Variants in MAP3K9 observed in about 807,000 individuals in gnomAD.
MAP3K9 encodes mixed lineage kinase 1 (tyr and ser/thr specificity).
A neutral mutation model predicts 95.8 loss-of-function variants in MAP3K9; 46 were observed. The ratio of observed to expected loss-of-function variants is 0.48; its 90% confidence interval spans 0.38 to 0.61. The LOEUF (loss-of-function observed/expected upper bound fraction) is 0.61. MAP3K9 is among the 20% of genes least tolerant of loss of function. MAP3K9 has a pLI of 0.00. For synonymous variants in MAP3K9, 533 were observed against 593.8 expected (o/e 0.90, Z 1.49); for missense variants, 1,296 against 1,474.3 (o/e 0.88, Z 1.98).
intron 1 of MAP3K9, among the ~76,000 whole-genome samples, chr14:70,803,511 C>A (rs932925760): frequency 1.3e-5 from 2 of 151,908 alleles, no homozygotes; most frequent in Non-Finnish European, 2.9e-5. Context: ...CTTCCTTACT[C>A]AGCCAGCCCT....
chr14:70,808,976 C>G lies in MAP3K9; in HGVS notation c.196G>C (p.Ala66Pro), dbSNP rs1224436134. 2 of 1,567,146 alleles carry G rather than the reference C, an allele frequency of 1.3e-6. No homozygotes were observed. Residue 66 changes from alanine to proline, a missense_variant, in exon 1 of 12, where the codon GCG (alanine) becomes CCG (proline). Physicochemically the swap from Ala to Pro is conservative, Grantham distance 27. Transcript: ENST00000554752. ...YWTAVFEYEA[A>P]GEDELTLRLG... is the part of the protein sequence containing the mutation. ...CGCAGGGTCAGCTCGTCCTCGCCCG[C>G]CGCCTCGTACTCGAACACGGCCGTC...
Position 70,732,966 on chromosome 14 carries a change from G to A in MAP3K9, c.2403C>T (p.Ser801=). Residue 801 remains serine, a synonymous_variant, in exon 11 of 12, where the codon TCC becomes TCT. Coordinates refer to ENST00000554752, the MANE Select transcript of MAP3K9 (RefSeq NM_001284230.2). ...KKRREGLFQR[S]SRPRRSTSPP... is the part of the protein sequence containing the mutation. ...GGCTGGTGCTCCGACGAGGACGGCT[G>A]GACCTCTGAAAAAGACCCTCCCGTC... is the stretch of plus-strand genomic sequence containing the variant. 1.2e-6 allele frequency: 2 copies of A among 1,614,076 alleles called. No individual in the cohort carries two copies. Among genetic ancestry groups the A allele is most frequent in the Non-Finnish European group, 1.7e-6 (2 of 1,179,994 alleles).
intron 2 of MAP3K9, among the ~76,000 whole-genome samples, chr14:70,792,014 C>A (rs887645096): frequency 1.3e-4 from 20 of 152,226 alleles, no homozygotes; most frequent in Non-Finnish European, 2.2e-4. Flanking sequence ...ACAGGACTTG[C>A]AAGTCAGATC....
intron 1 of MAP3K9, among the ~76,000 whole-genome samples, chr14:70,804,296 A>G (rs186761509): frequency 7.7e-4 from 117 of 152,312 alleles, no homozygotes; most frequent in African/African-American, 2.7e-3. Context: ...TTCTTGCTCA[A>G]AATAGCTTGA....
chr14:70,759,803 G>T (rs1420676435), intron 3 of MAP3K9, among the ~76,000 whole-genome samples: 1 of 152,206 alleles, frequency 6.6e-6, no homozygotes, highest in Non-Finnish European at 1.5e-5. Flanking sequence ...CACCCAGGCT[G>T]AAGTGCAGTG....
At chr14:70,800,432 T>TA (rs111280362) in intron 2 of MAP3K9, among the ~76,000 whole-genome samples, 48 of 146,998 alleles carry the variant, frequency 3.3e-4, no homozygotes, top group African/African-American at 6.2e-4. Flanking sequence ...TCTAGACTGC[T>TA]AAAAAAAAAA....
At position 70,730,773 on chromosome 14, in the gene MAP3K9, G is replaced by C. The variant is rs777428240; in HGVS notation, c.2922C>G (p.Arg974=). The change falls in exon 12 of 12, where the codon CGC becomes CGG. Residue 974 remains arginine, a synonymous_variant. Coordinates refer to ENST00000554752, the MANE Select transcript of MAP3K9 (RefSeq NM_001284230.2). ...AGGTAGAGTCCTGCTGAGTGTTCCA[G>C]CGCCTTGGGGTTGGGGGGAAGACCA... The part of the protein sequence containing the change: ...PNVVFPPTPR[R]WNTQQDSTLE... The C allele has an allele frequency of 6.2e-7, 1 of 1,613,640 alleles. No homozygotes were observed. Among genetic ancestry groups the C allele is most frequent in the Non-Finnish European group, 8.5e-7 (1 of 1,180,014 alleles).
chr14:70,791,649 C>G (rs554110524), intron 2 of MAP3K9, among the ~76,000 whole-genome samples: 1 of 152,358 alleles, frequency 6.6e-6, no homozygotes, highest in South Asian at 2.1e-4. Flanking sequence ...TCCCTTTCCA[C>G]TTTGTCTCCA....
In MAP3K9 at chr14:70,723,587, G is replaced by A. The variant is rs947189606; in HGVS notation, c.*6793C>T. On this transcript the variant is annotated 3_prime_UTR_variant, in exon 12 of 12. Transcript: ENST00000554752. ...AAGTAGTGGCTTAGAAATGTGCTCAGAGGAAAAAGAGAGGTGACTTTGGAA... is the reference window on the plus strand; with the variant it reads ...AAGTAGTGGCTTAGAAATGTGCTCAAAGGAAAAAGAGAGGTGACTTTGGAA... 1 of 152,160 alleles carries A rather than the reference G, an allele frequency of 6.6e-6. No homozygotes were observed. Among genetic ancestry groups the A allele is most frequent in the Non-Finnish European group, 1.5e-5 (1 of 68,042 alleles). The allele number at this position is 152,160 out of a possible 1,614,324, so 9.4% of individuals were successfully genotyped here.
chr14:70,742,543 T>G lies in MAP3K9; in HGVS notation c.1375A>C (p.Lys459Gln). ...EELTRAALQQKNQEELLRRRE... is the reference protein window; with the variant it reads ...EELTRAALQQQNQEELLRRRE... ...CGCCGCAGCAGTTCCTCCTGGTTCT[T>G]CTGCTGCAGTGCAGCCCGCGTCAGC... Residue 459 changes from lysine (K) to glutamine (Q), a missense_variant, in exon 6 of 12, where the codon AAG becomes CAG. By Grantham distance (53) the Lys-to-Gln change is moderately conservative. This residue lies in a region of MAP3K9 where 377 missense variants were observed against 417.1 expected (regional missense o/e 0.90). Coordinates refer to ENST00000554752, the MANE Select transcript of MAP3K9 (RefSeq NM_001284230.2). 6.2e-7 allele frequency: 1 copy of G among 1,614,214 alleles called. No individual in the cohort carries two copies. Among genetic ancestry groups the G allele is most frequent in the South Asian group, 1.1e-5 (1 of 91,080 alleles).
At position 70,728,516 on chromosome 14, in the gene MAP3K9, C is replaced by G. The variant is rs1160363492; in HGVS notation, c.*1864G>C. ...CTGGTAAGATTCACATTTTTTCCTC[C>G]TAGCTCAGGAGTAGGGGAATGGGGA... On this transcript the variant is annotated 3_prime_UTR_variant, in exon 12 of 12. Transcript: ENST00000554752. The G allele has an allele frequency of 6.6e-6, 1 of 152,108 alleles. No individual in the cohort carries two copies. The highest frequency in any genetic ancestry group is 1.5e-5 in the Non-Finnish European group (1 of 68,008). The allele number at this position is 152,108 out of a possible 1,614,324, so 9.4% of individuals were successfully genotyped here.
chr14:70,803,337 TA>T (rs10583563), intron 1 of MAP3K9, among the ~76,000 whole-genome samples: 1,694 of 75,040 alleles, frequency 0.023, 19 homozygotes, highest in African/African-American at 0.066. Flanking sequence ...ATTCAGATCT[TA>T]AAAAAAAAAA....
At chr14:70,750,638 C>A (rs537286168) in intron 3 of MAP3K9, among the ~76,000 whole-genome samples, 64 of 152,242 alleles carry the variant, frequency 4.2e-4, no homozygotes, top group African/African-American at 1.4e-3. Context: ...GCATGCACCA[C>A]CACGCCCGGC....
At chr14:70,747,838 AG>A (rs796346326) in intron 5 of MAP3K9, among the ~76,000 whole-genome samples, 5 of 152,320 alleles carry the variant, frequency 3.3e-5, no homozygotes, top group African/African-American at 1.2e-4. Context: ...GAGTGAGAAA[AG>A]AAAAAAGGCC....
intron 2 of MAP3K9, among the ~76,000 whole-genome samples, chr14:70,770,849 C>T (rs1037330131): frequency 6.6e-6 from 1 of 152,180 alleles, no homozygotes; most frequent in Non-Finnish European, 1.5e-5. Context: ...CCCCTCTTTA[C>T]TGATTCCTTC....
chr14:70,807,188 T>G (rs1489759486), intron 1 of MAP3K9, among the ~76,000 whole-genome samples: 1 of 152,206 alleles, frequency 6.6e-6, no homozygotes, highest in African/African-American at 2.4e-5. Flanking sequence ...ATGTGCTAGT[T>G]TTTAAAAAAC....
At position 70,738,342 on chromosome 14, in the gene MAP3K9, C is replaced by T; in HGVS notation, c.1747G>A (p.Glu583Lys). Residue 583 changes from glutamate (E) to lysine (K), a missense_variant, in exon 8 of 12, where the codon GAA (glutamate) becomes AAA (lysine). Around this residue, in one of 5 missense-constraint regions of MAP3K9, gnomAD observed 377 missense variants for 417.1 expected, o/e 0.90. Transcript: ENST00000554752. ...GCCCTCTTCTCCTCCTCCTCCCCTT[C>T]CTCCTTTGGGACGACTGAGCTCCTG... ...WGRSSVVPKE[E>K]GEEEEKRAPK... 1 of 1,614,136 alleles carries T rather than the reference C, an allele frequency of 6.2e-7. No homozygotes were observed. The highest frequency in any genetic ancestry group is 1.1e-5 in the South Asian group (1 of 91,062).
At chr14:70,798,278 T>TTATAGTAAACTATTAA (rs2054886805) in intron 2 of MAP3K9, among the ~76,000 whole-genome samples, 2 of 152,246 alleles carry the variant, frequency 1.3e-5, no homozygotes, top group Non-Finnish European at 2.9e-5. Flanking sequence ...TATTAACTTT[T>TTATAGTAAACTATTAA]ACAACTTTGT....
chr14:70,801,443 G>T (rs2054929468), intron 1 of MAP3K9, among the ~76,000 whole-genome samples: 1 of 152,050 alleles, frequency 6.6e-6, no homozygotes, highest in Non-Finnish European at 1.5e-5. Flanking sequence ...ATAGAGATGG[G>T]GTTTTGCCAT....
Sources: allele counts gnomAD v4.1 joint callset (sites outside exome capture counted in the v4.1 genomes callset), GRCh38; gene constraint gnomAD v4.1.1; regional missense constraint gnomAD v4.1.1; transcripts MANE v1.5; gene names NCBI Gene and HGNC (gene_info 2026-07-23, HGNC 2026-07-21).